Variants in ZNF618 observed in about 807,000 individuals in gnomAD.
The protein encoded by ZNF618 is zinc finger protein 618, also known as neural precursor cell expressed, developmentally down-regulated 10.
In ZNF618, 34 loss-of-function variants were observed where a neutral mutation model predicts 103.0. That is an observed-to-expected ratio of 0.33 (90% CI 0.25 to 0.44). ZNF618 has a LOEUF of 0.44. Ranked by LOEUF, ZNF618 falls within the 20% of genes least tolerant of loss-of-function variation. The pLI is 1.00. For synonymous variants in ZNF618, 551 were observed against 542.2 expected (o/e 1.02, Z -0.23); for missense variants, 1,059 against 1,295.4 (o/e 0.82, Z 2.80).
rs1004642246 is a variant in ZNF618, at chr9:113,988,546, G to A, written c.303G>A (p.Val101=). 2 of 1,611,022 alleles carry A rather than the reference G, an allele frequency of 1.2e-6. No homozygotes were observed. Among genetic ancestry groups the A allele is most frequent in the African/African-American group, 2.7e-5 (2 of 75,052 alleles). The change falls in exon 3 of 15, where the codon GTG becomes GTA. Residue 101 remains valine, a synonymous_variant. Coordinates refer to ENST00000374126, the MANE Select transcript of ZNF618 (RefSeq NM_001318042.2). The stretch of plus-strand genomic sequence containing the variant: ...GCGACGTGCCTGCCGAGATCTGCGT[G>A]GTGATCGGCGGCGTCCGCAACCAGC... The part of the protein sequence containing the change: ...GTSDVPAEIC[V]VIGGVRNQQT...
chr9:114,005,500 C>T (rs930939847), intron 6 of ZNF618, among the ~76,000 whole-genome samples: 2 of 152,040 alleles, frequency 1.3e-5, no homozygotes, highest in African/African-American at 4.8e-5. Context: ...CAGATGTGGC[C>T]CTGAAGTGAG....
intron 9 of ZNF618, among the ~76,000 whole-genome samples, chr9:114,010,084 C>T (rs867257688): frequency 5.9e-5 from 9 of 151,896 alleles, no homozygotes; most frequent in Middle Eastern, 3.4e-3. Flanking sequence ...CCAAGATGGG[C>T]GGATCACCTG....
In ZNF618 at chr9:114,055,751, C is replaced by T. The variant is rs1419893911; in HGVS notation, c.*5584C>T. 6.6e-6 allele frequency: 1 copy of T among 150,564 alleles called. No individual in the cohort carries two copies. The highest frequency in any genetic ancestry group is 1.5e-5 in the Non-Finnish European group (1 of 67,528). 9.3% of individuals were successfully genotyped at this position (150,564 alleles called of 1,614,324 possible). A position where few individuals can be genotyped will look rare whatever the true frequency, so the allele number is the denominator to read the frequency against. ...AAAAAAATTTACAAAAAAACAAACACAAAAAAAATATCTTTTTTAGGCCAG... is the reference window on the plus strand; with the variant it reads ...AAAAAAATTTACAAAAAAACAAACATAAAAAAAATATCTTTTTTAGGCCAG... On this transcript the variant is annotated 3_prime_UTR_variant, in exon 15 of 15. Transcript: ENST00000374126.
At chr9:113,896,456 C>T (rs1830049622) in intron 1 of ZNF618, among the ~76,000 whole-genome samples, 1 of 151,906 alleles carries the variant, frequency 6.6e-6, no homozygotes, top group South Asian at 2.1e-4. Context: ...AGAAACATTA[C>T]CAATAATAGT....
intron 1 of ZNF618, among the ~76,000 whole-genome samples, chr9:113,920,312 G>T (rs1437005693): frequency 2.0e-5 from 3 of 152,112 alleles, no homozygotes; most frequent in Non-Finnish European, 4.4e-5. Flanking sequence ...AGGAGCCTGC[G>T]GGGTGCAGTC....
intron 10 of ZNF618, among the ~76,000 whole-genome samples, chr9:114,026,078 T>C (rs1324322020): frequency 6.6e-6 from 1 of 152,120 alleles, no homozygotes; most frequent in Non-Finnish European, 1.5e-5. Flanking sequence ...AAATAAATGG[T>C]CCCAGATGGG....
At chr9:113,979,244 A>G (rs138059995) in intron 2 of ZNF618, among the ~76,000 whole-genome samples, 1 of 152,152 alleles carries the variant, frequency 6.6e-6, no homozygotes, top group South Asian at 2.1e-4. Context: ...CTGAACTGTT[A>G]GTGGGAGCAG....
intron 4 of ZNF618, among the ~76,000 whole-genome samples, chr9:114,001,120 G>C (rs1841155907): frequency 6.6e-6 from 1 of 152,202 alleles, no homozygotes; most frequent in Admixed American, 6.5e-5. Context: ...TGGGGTCCCT[G>C]CCAGGCTGGA....
chr9:113,986,322 C>T (rs1001180639), intron 2 of ZNF618, among the ~76,000 whole-genome samples: 7 of 152,254 alleles, frequency 4.6e-5, no homozygotes, highest in Admixed American at 1.3e-4. Context: ...GTTTTCCCAG[C>T]ATGCCCTTGC....
rs910357515 is a variant in ZNF618 at position 114,016,623 on chromosome 9, G to T, written c.755-72G>T. Reference sequence around the variant, plus strand: ...AGAATGGGGAGGAGTTTTTTGGGGGGTGGGAGCACGCTGATGCTTCTTGGT... The same window carrying T: ...AGAATGGGGAGGAGTTTTTTGGGGGTTGGGAGCACGCTGATGCTTCTTGGT... On this transcript the variant is annotated intron_variant, in intron 9 of 14. Coordinates refer to ENST00000374126, the MANE Select transcript of ZNF618 (RefSeq NM_001318042.2). The T allele has an allele frequency of 1.7e-5, 20 of 1,208,146 alleles. No individual in the cohort carries two copies. In the African/African-American group the frequency reaches 2.7e-4, roughly 16 times the overall value. The allele number at this position is 1,208,146 out of a possible 1,614,324, so 74.8% of individuals were successfully genotyped here.
Position 113,899,040 on chromosome 9 carries a change from C to T in ZNF618, c.33+22627C>T, listed in dbSNP as rs568565046. 7.2e-5 allele frequency among the ~76,000 whole-genome samples: 11 copies of T among 152,182 alleles called. No homozygotes were observed. In the South Asian group the frequency reaches 1.0e-3, roughly 14 times the overall value. Reference sequence around the variant, plus strand: ...TGTGAGATGGTCCCTCATGATGTCCCGTGATTTGTCCCCACATCTGTAACA... The same window carrying T: ...TGTGAGATGGTCCCTCATGATGTCCTGTGATTTGTCCCCACATCTGTAACA... On this transcript the variant is annotated intron_variant, in intron 1 of 14. Coordinates refer to ENST00000374126, the MANE Select transcript of ZNF618 (RefSeq NM_001318042.2).
chr9:113,927,544 C>T (rs569517854), intron 1 of ZNF618, among the ~76,000 whole-genome samples: 2 of 152,320 alleles, frequency 1.3e-5, no homozygotes, highest in African/African-American at 4.8e-5. Flanking sequence ...GCCCCTGTGT[C>T]GTGACCTTTA....
chr9:113,935,395 A>C (rs1005778567), intron 1 of ZNF618, among the ~76,000 whole-genome samples: 3 of 152,172 alleles, frequency 2.0e-5, no homozygotes, highest in Admixed American at 6.5e-5. Context: ...TAGAGAGGGC[A>C]CAGCTGATGC....
In ZNF618 at chr9:114,050,548, C is replaced by G. The variant is rs576023481; in HGVS notation, c.*381C>G. 1 of 166,596 alleles carries G rather than the reference C, an allele frequency of 6.0e-6. No homozygotes were observed. Among genetic ancestry groups the G allele is most frequent in the South Asian group, 2.0e-4 (1 of 5,002 alleles). 10.3% of individuals were successfully genotyped at this position (166,596 alleles called of 1,614,324 possible). A position where few individuals can be genotyped will look rare whatever the true frequency, so the allele number is the denominator to read the frequency against. Reference sequence around the variant, plus strand: ...AACTGGGCGTGTCAGGAAAGCTGAGCGATTGGGAAAGAGGGAGATGTTTCA... The same window carrying G: ...AACTGGGCGTGTCAGGAAAGCTGAGGGATTGGGAAAGAGGGAGATGTTTCA... On this transcript the variant is annotated 3_prime_UTR_variant, in exon 15 of 15. Transcript: ENST00000374126.
chr9:113,939,035 A>G (rs1834308493), intron 1 of ZNF618, among the ~76,000 whole-genome samples: 1 of 151,816 alleles, frequency 6.6e-6, no homozygotes, highest in Non-Finnish European at 1.5e-5. Flanking sequence ...TCTGCCATTA[A>G]TGGCATGTTG....
intron 1 of ZNF618, among the ~76,000 whole-genome samples, chr9:113,885,892 C>G (rs1265172099): frequency 2.6e-5 from 4 of 152,156 alleles, no homozygotes; most frequent in Non-Finnish European, 4.4e-5. Context: ...GCTGACAAAG[C>G]AGAATGAGGC....
intron 2 of ZNF618, among the ~76,000 whole-genome samples, chr9:113,975,366 C>T (rs182075079): frequency 1.6e-4 from 24 of 152,308 alleles, no homozygotes; most frequent in African/African-American, 4.6e-4. Context: ...AGATTTTTCA[C>T]GGGTGGACCA....
chr9:114,018,404 C>T (rs117055538), intron 10 of ZNF618, among the ~76,000 whole-genome samples: 1 of 152,388 alleles, frequency 6.6e-6, no homozygotes, highest in East Asian at 1.9e-4. Context: ...GCCCTGCTCC[C>T]TGGTGCCCAG....
At chr9:113,990,757 G>A (rs1243453467) in intron 3 of ZNF618, among the ~76,000 whole-genome samples, 1 of 152,168 alleles carries the variant, frequency 6.6e-6, no homozygotes, top group Non-Finnish European at 1.5e-5. Flanking sequence ...CAAAGAGGCT[G>A]GGAAATGCCG....
Sources: gnomAD v4.1 joint callset for allele counts (sites outside exome capture counted in the v4.1 genomes callset) on GRCh38, gnomAD v4.1.1 for gene constraint, MANE v1.5 for transcripts, NCBI Gene and HGNC (gene_info 2026-07-23, HGNC 2026-07-21) for gene names.